IL7: variants seen among roughly 807,000 people sequenced by gnomAD.
IL7 encodes interleukin-7.
Under a neutral mutation model 21.6 loss-of-function variants are expected in IL7, and 3 were observed. The observed-to-expected ratio is 0.14, with a 90% CI of 0.06 to 0.36. The LOEUF is 0.36. IL7 is among the 10% of genes least tolerant of loss of function. The pLI is 1.00. For missense variants in IL7, 175 were observed against 200.2 expected, an observed-to-expected ratio of 0.87 and a Z score of 0.76; for synonymous variants, 62 against 68.1, an observed-to-expected ratio of 0.91 and a Z score of 0.44.
intron 3 of IL7, among the ~76,000 whole-genome samples, chr8:78,702,525 G>GT (rs1810637770): frequency 6.6e-6 from 1 of 151,980 alleles, no homozygotes. Context: ...GTTTGTTCTT[G>GT]TTTTTCTAGT....
chr8:78,743,004 G>A (rs927381031), intron 2 of IL7, among the ~76,000 whole-genome samples: 2 of 152,106 alleles, frequency 1.3e-5, no homozygotes, highest in African/African-American at 4.8e-5. Flanking sequence ...TCCTGCATTA[G>A]TTTGCTAAGG....
At chr8:78,786,645 C>G (rs1813517879) in intron 2 of IL7, among the ~76,000 whole-genome samples, 2 of 152,170 alleles carry the variant, frequency 1.3e-5, no homozygotes, top group Non-Finnish European at 2.9e-5. Flanking sequence ...CTTATGGGGC[C>G]ATCATGGTAT....
chr8:78,733,791 G>A lies in IL7; in HGVS notation c.456C>T (p.Asp152=). The A allele has an allele frequency of 6.3e-7, 1 of 1,588,944 alleles. No individual in the cohort carries two copies. The highest frequency in any genetic ancestry group is 8.6e-7 in the Non-Finnish European group (1 of 1,168,440). Residue 152 remains aspartate (D), a synonymous_variant, in exon 6 of 6, where the codon GAC becomes GAT. Transcript: ENST00000263851. ...KSLKEQKKLN[D]LCFLKRLLQE... Reference sequence around the variant, plus strand: ...GTAATAGTCTCTTTAGGAAACACAAGTCATTCAGTTTTTTCTGTTCCTTTA... The same window carrying A: ...GTAATAGTCTCTTTAGGAAACACAAATCATTCAGTTTTTTCTGTTCCTTTA...
intron 3 of IL7, chr8:78,698,315 G>C (rs1586013141): frequency 1.0e-6 from 1 of 977,030 alleles, no homozygotes; most frequent in East Asian, 2.8e-5. Context: ...ATTTATAGTT[G>C]CAAAGATTAT....
At chr8:78,687,845 ATATT>A (rs1286178797) in intron 3 of IL7, among the ~76,000 whole-genome samples, 1 of 107,032 alleles carries the variant, frequency 9.3e-6, no homozygotes, top group African/African-American at 2.8e-5. Flanking sequence ...AATTATATAT[ATATT>A]TATATAATAT....
intron 2 of IL7, among the ~76,000 whole-genome samples, chr8:78,757,849 G>A (rs899867052): frequency 2.6e-5 from 4 of 152,018 alleles, no homozygotes; most frequent in African/African-American, 7.2e-5. Context: ...CATGTGTTGT[G>A]GGAGGGACCC....
At chr8:78,724,443 C>T (rs2717545) in intron 3 of IL7, among the ~76,000 whole-genome samples, 146,517 of 151,906 alleles carry the variant, frequency 0.96, 70,700 homozygotes, top group East Asian at 0.99. Context: ...TTATTTTTCT[C>T]CTAATTATTG....
At chr8:78,699,698 T>A (rs1226365539) in intron 3 of IL7, among the ~76,000 whole-genome samples, 1 of 152,138 alleles carries the variant, frequency 6.6e-6, no homozygotes, top group African/African-American at 2.4e-5. Flanking sequence ...TAGCTTCCAC[T>A]TATAAGTGAG....
chr8:78,729,393 A>G (rs1314520394), downstream of IL7, among the ~76,000 whole-genome samples: 1 of 151,998 alleles, frequency 6.6e-6, no homozygotes, highest in Non-Finnish European at 1.5e-5. Context: ...CGTCTTCCCA[A>G]TAAGTGGTCT....
chr8:78,735,957 C>T (rs2130671072), intron 5 of IL7, among the ~76,000 whole-genome samples: 1 of 151,402 alleles, frequency 6.6e-6, no homozygotes, highest in Admixed American at 6.6e-5. Flanking sequence ...TAAATATTTT[C>T]CATATTATTG....
At chr8:78,725,147 G>C (rs1811319182) in intron 3 of IL7, among the ~76,000 whole-genome samples, 1 of 151,962 alleles carries the variant, frequency 6.6e-6, no homozygotes, top group African/African-American at 2.4e-5. Flanking sequence ...TACAGCGAGG[G>C]AGTATTCATG....
At chr8:78,755,191 GTC>G (rs912778616) in intron 2 of IL7, among the ~76,000 whole-genome samples, 2 of 151,704 alleles carry the variant, frequency 1.3e-5, no homozygotes, top group African/African-American at 4.8e-5. Context: ...TGGTCTATGT[GTC>G]TGTTTTTATA....
chr8:78,698,676 A>C (rs1295325223), intron 3 of IL7, among the ~76,000 whole-genome samples: 2 of 152,212 alleles, frequency 1.3e-5, no homozygotes, highest in African/African-American at 4.8e-5. Context: ...TGAGTATCTA[A>C]ATTTGTATAA....
At chr8:78,689,285 A>C (rs1208603793) in intron 3 of IL7, 2 of 1,602,396 alleles carry the variant, frequency 1.2e-6, no homozygotes, top group Admixed American at 3.4e-5. Flanking sequence ...AGACATATAA[A>C]TTTCTGTAAA....
intron 2 of IL7, among the ~76,000 whole-genome samples, chr8:78,753,262 A>C (rs1003730888): frequency 2.0e-5 from 3 of 152,138 alleles, no homozygotes; most frequent in Non-Finnish European, 2.9e-5. Context: ...CTGACTTTTT[A>C]ATGATCGCCA....
At chr8:78,768,805 A>G (rs889920137) in intron 2 of IL7, among the ~76,000 whole-genome samples, 1 of 152,070 alleles carries the variant, frequency 6.6e-6, no homozygotes, top group Non-Finnish European at 1.5e-5. Context: ...GGCAAACCGA[A>G]TCCAGCAGCA....
At chr8:78,731,925 A>G (rs921928664), downstream of IL7, among the ~76,000 whole-genome samples, 1 of 152,154 alleles carries the variant, frequency 6.6e-6, no homozygotes, top group South Asian at 2.1e-4. Flanking sequence ...TTATTTTACC[A>G]TAACATCAGA....
At chr8:78,716,450 G>A (rs1811107320), downstream of IL7, among the ~76,000 whole-genome samples, 2 of 151,954 alleles carry the variant, frequency 1.3e-5, no homozygotes, top group Non-Finnish European at 2.9e-5. Context: ...AGATAATAGA[G>A]ACCTCCCTGT....
At chr8:78,676,132 A>C (rs192774306) in intron 4 of IL7, 176 of 260,410 alleles carry the variant, frequency 6.8e-4, no homozygotes, top group African/African-American at 3.8e-3. Flanking sequence ...AAATAAAAAA[A>C]AAAAAACAAA....
Sources: gnomAD v4.1 joint callset for allele counts (sites outside exome capture counted in the v4.1 genomes callset) on GRCh38, gnomAD v4.1.1 for gene constraint, MANE v1.5 for transcripts, NCBI Gene and HGNC (gene_info 2026-07-23, HGNC 2026-07-21) for gene names.